The following PDE1A variants were observed in gnomAD, a reference collection of about 807,000 sequenced individuals.
PDE1A encodes phosphodiesterase 1A, also known as dual specificity calcium/calmodulin-dependent 3',5'-cyclic nucleotide phosphodiesterase 1A.
In PDE1A, 35 loss-of-function variants were observed where a neutral mutation model predicts 61.7. The ratio of observed to expected loss-of-function variants is 0.57; its 90% CI spans 0.43 to 0.75. The LOEUF is 0.75. Among genes scored for constraint, PDE1A ranks in the 30% least tolerant of loss-of-function variants. PDE1A has a pLI of 0.00. For synonymous variants in PDE1A, 232 were observed against 213.2 expected, an observed-to-expected ratio of 1.09 and a Z score of -0.77; for missense variants, 597 against 630.6, an observed-to-expected ratio of 0.95 and a Z score of 0.57.
intron 2 of PDE1A, among the ~76,000 whole-genome samples, chr2:182,442,270 C>G (rs1684845092): frequency 6.6e-6 from 1 of 151,914 alleles, no homozygotes; most frequent in African/African-American, 2.4e-5. Context: ...GAGGGGAAGT[C>G]TATAAATAAT....
chr2:182,625,001 AG>A, the PDE1A span, among the ~76,000 whole-genome samples: 2 of 152,140 alleles, frequency 1.3e-5, no homozygotes, highest in Non-Finnish European at 2.9e-5. Flanking sequence ...GGTATTAAAA[AG>A]TGGAGCCTTT....
intron 1 of PDE1A, among the ~76,000 whole-genome samples, chr2:182,421,467 T>C (rs1276113593): frequency 6.6e-6 from 1 of 152,190 alleles, no homozygotes; most frequent in Admixed American, 6.5e-5. Flanking sequence ...TGCCTAAAAA[T>C]ACACCAAGTT....
At position 182,337,841 on chromosome 2, in the gene PDE1A, T is replaced by C. The variant is rs1697938765; in HGVS notation, c.54-73427A>G. On this transcript the variant is annotated intron_variant, in intron 1 of 13. Transcript: ENST00000351439. ...TAGGATTTTAAAAAAAAAGAAAGTG[T>C]GATACCCCTCTGTTATTAGTAATGT... Among the ~76,000 whole-genome samples, 5 of 152,294 alleles carry C rather than the reference T, an allele frequency of 3.3e-5. No homozygotes were observed. The South Asian group carries it at 8.3e-4, about 25-fold the overall frequency.
intron 2 of PDE1A, among the ~76,000 whole-genome samples, chr2:182,479,362 C>A (rs1687566566): frequency 6.6e-6 from 1 of 151,936 alleles, no homozygotes; most frequent in African/African-American, 2.4e-5. Context: ...GCAATCATAA[C>A]AATTCTTGGA....
chr2:182,637,246 T>G, the PDE1A span, among the ~76,000 whole-genome samples: 1 of 152,170 alleles, frequency 6.6e-6, no homozygotes, highest in African/African-American at 2.4e-5. Context: ...ATTTGAGACA[T>G]AGCAAAATAA....
At chr2:182,539,090 C>T in the PDE1A span, among the ~76,000 whole-genome samples, 6 of 152,136 alleles carry the variant, frequency 3.9e-5, no homozygotes, top group African/African-American at 1.4e-4. Context: ...CTCTCTTTCC[C>T]ACTGATTTGG....
the PDE1A span, among the ~76,000 whole-genome samples, chr2:182,557,027 G>T: frequency 2.0e-5 from 3 of 152,234 alleles, no homozygotes; most frequent in East Asian, 5.8e-4. Flanking sequence ...GGGCACGGTG[G>T]CTCATGCCTG....
At chr2:182,529,114 A>T in the PDE1A span, among the ~76,000 whole-genome samples, 2 of 152,192 alleles carry the variant, frequency 1.3e-5, no homozygotes, top group Non-Finnish European at 2.9e-5. Context: ...GCAGATCTAC[A>T]AACAGCTTGC....
chr2:182,564,825 T>C, the PDE1A span, among the ~76,000 whole-genome samples: 3 of 152,204 alleles, frequency 2.0e-5, no homozygotes, highest in African/African-American at 7.2e-5. Flanking sequence ...ACTGATACCC[T>C]TTCTTCCAGT....
At chr2:182,411,517 C>T (rs1702614961) in intron 1 of PDE1A, among the ~76,000 whole-genome samples, 1 of 152,112 alleles carries the variant, frequency 6.6e-6, no homozygotes, top group Non-Finnish European at 1.5e-5. Flanking sequence ...TTCTGTTTGG[C>T]TTGGAATTTC....
At chr2:182,605,303 T>C in the PDE1A span, among the ~76,000 whole-genome samples, 118 of 152,214 alleles carry the variant, frequency 7.8e-4, no homozygotes, top group Non-Finnish European at 1.3e-3. Context: ...CACTAGCTGT[T>C]CCCTCACAGC....
chr2:182,416,208 C>T (rs562177337), intron 1 of PDE1A, among the ~76,000 whole-genome samples: 1 of 152,242 alleles, frequency 6.6e-6, no homozygotes, highest in Admixed American at 6.5e-5. Flanking sequence ...TATCATTATT[C>T]AACATGGCAT....
the PDE1A span, among the ~76,000 whole-genome samples, chr2:182,644,989 T>G: frequency 6.7e-6 from 1 of 149,036 alleles, no homozygotes; most frequent in African/African-American, 2.5e-5. Flanking sequence ...TTCTGTATTT[T>G]TTTTTTTTTT....
chr2:182,554,737 T>G, the PDE1A span, among the ~76,000 whole-genome samples: 3 of 152,208 alleles, frequency 2.0e-5, no homozygotes, highest in African/African-American at 7.2e-5. Flanking sequence ...TTTAGTCATG[T>G]CATTATTATT....
Position 182,317,249 on chromosome 2 carries a change from A to C in PDE1A, c.54-52835T>G, listed in dbSNP as rs189575215. On this transcript the variant is annotated intron_variant, in intron 1 of 13. Transcript: ENST00000351439. ...CAGATGCTCTTGGAACATTTCTCAC[A>C]AACTTTTTTTTTTTTTTTGAGGATA... Among the ~76,000 whole-genome samples, 1,009 of 151,492 alleles carry C rather than the reference A, an allele frequency of 6.7e-3. 10 individuals are homozygous for C. Among genetic ancestry groups the C allele is most frequent in the African/African-American group, 0.023 (948 of 41,288 alleles).
chr2:182,381,395 G>A (rs969766969), intron 1 of PDE1A, among the ~76,000 whole-genome samples: 3 of 152,194 alleles, frequency 2.0e-5, no homozygotes, highest in African/African-American at 7.2e-5. Context: ...ATAGTTGCCA[G>A]AGTAGTCAAT....
chr2:182,512,386 C>A (rs1689858834), intron 2 of PDE1A, among the ~76,000 whole-genome samples: 1 of 152,152 alleles, frequency 6.6e-6, no homozygotes, highest in African/African-American at 2.4e-5. Context: ...CCAGTCAACT[C>A]AACCCAACTT....
chr2:182,654,049 T>C, the PDE1A span, among the ~76,000 whole-genome samples: 1 of 152,124 alleles, frequency 6.6e-6, no homozygotes, highest in Non-Finnish European at 1.5e-5. Context: ...ACTATAAGAG[T>C]GTTAATAATA....
intron 2 of PDE1A, among the ~76,000 whole-genome samples, chr2:182,470,066 G>A (rs1161460052): frequency 6.6e-6 from 1 of 151,870 alleles, no homozygotes; most frequent in Non-Finnish European, 1.5e-5. Context: ...ATCAGAATGT[G>A]AGAAAGATAT....
Sources: allele counts gnomAD v4.1 joint callset (sites outside exome capture counted in the v4.1 genomes callset), GRCh38; gene constraint gnomAD v4.1.1; transcripts MANE v1.5; gene names NCBI Gene and HGNC (gene_info 2026-07-23, HGNC 2026-07-21).